Variants in CSMD1 observed in about 807,000 individuals in gnomAD.
CSMD1 encodes CUB and sushi domain-containing protein 1.
Under a neutral mutation model 417.5 loss-of-function variants are expected in CSMD1, and 213 were observed. That is an observed-to-expected ratio of 0.51 (90% CI 0.46 to 0.57). The LOEUF (loss-of-function observed/expected upper bound fraction) is 0.57, where lower values mean the gene tolerates loss of function less well. CSMD1 is among the 20% of genes least tolerant of loss of function. CSMD1 has a pLI of 0.00. For missense variants in CSMD1, 6,923 were observed against 4,529.7 expected, an observed-to-expected ratio of 1.53 and a Z score of -15.17; for synonymous variants, 2,862 against 1,736.8, an observed-to-expected ratio of 1.65 and a Z score of -16.11.
At chr8:2,961,017 G>T in intron 62 of CSMD1, 124 bp downstream of exon 62, 2 of 340,646 alleles carry the variant, frequency 5.9e-6, no homozygotes, top group Non-Finnish European at 9.9e-6. Context: ...CCCTTTGAAC[G>T]AATTTTATTC....
intron 1 of CSMD1, among the ~76,000 whole-genome samples, chr8:4,741,596 G>C (rs1810608928): frequency 6.6e-6 from 1 of 152,150 alleles, no homozygotes; most frequent in Non-Finnish European, 1.5e-5. Context: ...TCGAGGCTTG[G>C]ACAACAGGAC....
intron 1 of CSMD1, among the ~76,000 whole-genome samples, chr8:4,739,313 T>C (rs976704345): frequency 6.6e-5 from 10 of 152,354 alleles, no homozygotes; most frequent in African/African-American, 1.9e-4. Flanking sequence ...ATAGCCATAG[T>C]TGACAGAACT....
At chr8:4,772,764 C>G (rs1006159374) in intron 1 of CSMD1, among the ~76,000 whole-genome samples, 1 of 152,152 alleles carries the variant, frequency 6.6e-6, no homozygotes, top group Non-Finnish European at 1.5e-5. Context: ...AACCTCTTGG[C>G]TAACAGATCA....
At chr8:4,701,162 C>G (rs372494432) in intron 1 of CSMD1, among the ~76,000 whole-genome samples, 11 of 152,006 alleles carry the variant, frequency 7.2e-5, no homozygotes, top group Admixed American at 1.3e-4. Context: ...TGGGCTCCCC[C>G]ACAGCTAGGG....
intron 5 of CSMD1, among the ~76,000 whole-genome samples, chr8:3,916,950 TCTC>T (rs1438075683): frequency 6.6e-6 from 1 of 152,056 alleles, no homozygotes; most frequent in Admixed American, 6.6e-5. Context: ...AGCTGCTCCT[TCTC>T]CTCCAATTTA....
chr8:4,966,068 T>C (rs1243242762), intron 1 of CSMD1, among the ~76,000 whole-genome samples: 1 of 151,902 alleles, frequency 6.6e-6, no homozygotes, highest in Non-Finnish European at 1.5e-5. Context: ...AATACTCGAA[T>C]TGAAAGAGTT....
intron 2 of CSMD1, among the ~76,000 whole-genome samples, chr8:4,436,374 A>G (rs2129637697): frequency 6.6e-6 from 1 of 152,260 alleles, no homozygotes; most frequent in African/African-American, 2.4e-5. Flanking sequence ...TGATTTATAC[A>G]TCAAACGTGC....
intron 3 of CSMD1, among the ~76,000 whole-genome samples, chr8:4,263,388 T>G (rs952239526): frequency 6.6e-6 from 1 of 152,210 alleles, no homozygotes; most frequent in Non-Finnish European, 1.5e-5. Flanking sequence ...AAAAACCTGC[T>G]TTGACCACAT....
At chr8:4,644,107 G>T (rs929562324) in intron 1 of CSMD1, among the ~76,000 whole-genome samples, 1 of 152,306 alleles carries the variant, frequency 6.6e-6, no homozygotes, top group Non-Finnish European at 1.5e-5. Context: ...TGGAGTCTTT[G>T]CCCATGAGCA....
chr8:2,949,285 T>C lies in CSMD1; in HGVS notation c.10402+14A>G. ...CTGATATTTGCTTTAAAATATATCC[T>C]AAGTGCAACTTACCTTGCCTTTCTA... On this transcript the variant is annotated intron_variant, in intron 68 of 69. Coordinates refer to ENST00000635120, the MANE Select transcript of CSMD1 (RefSeq NM_033225.6). 1 of 1,457,998 alleles carries C rather than the reference T, an allele frequency of 6.9e-7. No individual in the cohort carries two copies. Among genetic ancestry groups the C allele is most frequent in the Non-Finnish European group, 9.6e-7 (1 of 1,043,076 alleles). 90.3% of individuals were successfully genotyped at this position (1,457,998 alleles called of 1,614,324 possible).
chr8:4,267,468 TA>T (rs1341004282), intron 3 of CSMD1, among the ~76,000 whole-genome samples: 2 of 151,400 alleles, frequency 1.3e-5, no homozygotes, highest in East Asian at 3.9e-4. Flanking sequence ...ATAATGAATA[TA>T]AATGAATATT....
chr8:4,885,635 A>AT (rs1282446641), intron 1 of CSMD1, among the ~76,000 whole-genome samples: 1 of 151,838 alleles, frequency 6.6e-6, no homozygotes, highest in Non-Finnish European at 1.5e-5. Flanking sequence ...ACATTAATAG[A>AT]TTTTCAGGTG....
At chr8:4,424,809 T>C (rs146502762) in intron 2 of CSMD1, among the ~76,000 whole-genome samples, 2 of 152,184 alleles carry the variant, frequency 1.3e-5, no homozygotes, top group African/African-American at 4.8e-5. Flanking sequence ...TATACCATAG[T>C]TTTGCCGGTG....
chr8:3,308,255 G>A (rs10091831), intron 24 of CSMD1, 57 bp downstream of exon 24: 489,563 of 1,361,684 alleles, frequency 0.36, 90,212 homozygotes, highest in Middle Eastern at 0.43. Flanking sequence ...ATGCAACATG[G>A]TGCAAGCACC....
At chr8:3,413,184 G>C (rs762045561) in intron 12 of CSMD1, among the ~76,000 whole-genome samples, 1 of 152,208 alleles carries the variant, frequency 6.6e-6, no homozygotes, top group Non-Finnish European at 1.5e-5. Context: ...TTATTAGCAA[G>C]CCTTAAATGT....
intron 49 of CSMD1, among the ~76,000 whole-genome samples, chr8:3,059,320 C>G (rs1812438668): frequency 1.3e-5 from 2 of 150,496 alleles, no homozygotes; most frequent in African/African-American, 4.9e-5. Context: ...GGGCTTCTGT[C>G]TTTATAAGGT....
intron 3 of CSMD1, among the ~76,000 whole-genome samples, chr8:4,231,463 G>T (rs1010399070): frequency 1.3e-5 from 2 of 151,896 alleles, no homozygotes; most frequent in Admixed American, 1.3e-4. Flanking sequence ...ATTAGACAGT[G>T]AACTCTCTCA....
intron 10 of CSMD1, among the ~76,000 whole-genome samples, chr8:3,540,680 T>G (rs1422456589): frequency 1.3e-5 from 2 of 151,386 alleles, no homozygotes; most frequent in Non-Finnish European, 2.9e-5. Context: ...TCAAACAAAT[T>G]TACAAGAAAA....
At chr8:4,234,682 T>C (rs1801940635) in intron 3 of CSMD1, among the ~76,000 whole-genome samples, 1 of 152,160 alleles carries the variant, frequency 6.6e-6, no homozygotes, top group Non-Finnish European at 1.5e-5. Context: ...TAAACACTTG[T>C]TAATGAATGA....
Sources: gnomAD v4.1 joint callset for allele counts (sites outside exome capture counted in the v4.1 genomes callset) on GRCh38, gnomAD v4.1.1 for gene constraint, MANE v1.5 for transcripts, NCBI Gene and HGNC (gene_info 2026-07-23, HGNC 2026-07-21) for gene names.